Variants in LMO3 observed in about 807,000 individuals in gnomAD.
The protein encoded by LMO3 is LIM domain only protein 3.
LMO3 carries 2 observed loss-of-function variants against 15.8 expected under a neutral mutation model. The ratio of observed to expected loss-of-function variants is 0.13; its 90% CI spans 0.05 to 0.40. The LOEUF (loss-of-function observed/expected upper bound fraction) is 0.40, where lower values mean the gene tolerates loss of function less well. LMO3 is among the 10% of genes least tolerant of loss of function. LMO3 has a pLI of 0.99. For synonymous variants in LMO3, 62 were observed against 63.8 expected (o/e 0.97, Z 0.13); for missense variants, 86 against 182.2 (o/e 0.47, Z 3.04).
chr12:16,595,243 G>C lies in LMO3; in HGVS notation c.206+5412C>G, dbSNP rs2137659121. On this transcript the variant is annotated intron_variant, in intron 2 of 3. Transcript: ENST00000537304. ...GAAATTTCCAGTGAAACTATCTCAA[G>C]TCTACAAAACAAACTAAAACAAAAA... Among the ~76,000 whole-genome samples the C allele has an allele frequency of 2.7e-5, 4 of 150,884 alleles. 1 individual carries two copies. The Middle Eastern group carries it at 0.014, about 513-fold the overall frequency.
chr12:16,556,322 C>T (rs897310713), intron 3 of LMO3, among the ~76,000 whole-genome samples: 3 of 152,024 alleles, frequency 2.0e-5, no homozygotes, highest in Non-Finnish European at 2.9e-5. Context: ...CTTAAATAAC[C>T]CTCCTGCGGT....
At chr12:16,579,400 A>G (rs1298044877) in intron 2 of LMO3, among the ~76,000 whole-genome samples, 1 of 152,138 alleles carries the variant, frequency 6.6e-6, no homozygotes, top group East Asian at 1.9e-4. Context: ...ATGAGAAACA[A>G]TTTTTTTGGT....
At chr12:16,605,988 C>T in intron 1 of LMO3, 78 bp downstream of exon 1, 1 of 642,086 alleles carries the variant, frequency 1.6e-6, no homozygotes. Flanking sequence ...ATACCCACAT[C>T]CGCACACGCA....
chr12:16,590,824 C>T (rs1943471491), intron 2 of LMO3, among the ~76,000 whole-genome samples: 1 of 151,968 alleles, frequency 6.6e-6, no homozygotes, highest in Admixed American at 6.6e-5. Context: ...TATATCATCC[C>T]CCTTAGATTG....
intron 2 of LMO3, among the ~76,000 whole-genome samples, chr12:16,572,339 C>CTTTTTTTTTTTTTTTT (rs59773866): frequency 2.2e-5 from 2 of 89,530 alleles, no homozygotes; most frequent in African/African-American, 4.2e-5. Context: ...GGTCCAAACT[C>CTTTTTTTTTTTTTTTT]TTTTTTTTTT....
At chr12:16,583,858 A>C (rs1486673437) in intron 2 of LMO3, among the ~76,000 whole-genome samples, 1 of 152,164 alleles carries the variant, frequency 6.6e-6, no homozygotes, top group Non-Finnish European at 1.5e-5. Flanking sequence ...AGTGGGCAGG[A>C]AAGATAGAAG....
chr12:16,567,925 G>A (rs529235782), intron 2 of LMO3, among the ~76,000 whole-genome samples: 24 of 152,222 alleles, frequency 1.6e-4, no homozygotes, highest in African/African-American at 5.5e-4. Flanking sequence ...ACTGAGTAGC[G>A]ATCATGATCT....
intron 2 of LMO3, among the ~76,000 whole-genome samples, chr12:16,578,741 C>A (rs974586739): frequency 6.6e-6 from 1 of 151,862 alleles, no homozygotes; most frequent in Non-Finnish European, 1.5e-5. Context: ...TTCCTTGAAC[C>A]TGGGAGGCGG....
intron 1 of LMO3, among the ~76,000 whole-genome samples, chr12:16,602,723 A>T (rs1315111547): frequency 6.6e-6 from 1 of 152,186 alleles, no homozygotes; most frequent in Non-Finnish European, 1.5e-5. Context: ...TTTGATCAGA[A>T]CTAGTTATCC....
At chr12:16,563,616 A>G (rs1184970993) in intron 2 of LMO3, among the ~76,000 whole-genome samples, 1 of 151,980 alleles carries the variant, frequency 6.6e-6, no homozygotes, top group African/African-American at 2.4e-5. Context: ...TTACTCCCAC[A>G]CTCGTTTATA....
intron 1 of LMO3, chr12:16,605,052 G>A (rs929316524): frequency 4.6e-6 from 7 of 1,507,278 alleles, no homozygotes; most frequent in African/African-American, 4.1e-5. Flanking sequence ...GGAGCGGGTC[G>A]GAGTGGCGGC....
chr12:16,553,339 T>C lies in LMO3; in HGVS notation c.333-2012A>G, dbSNP rs555826802. Among the ~76,000 whole-genome samples the C allele has an allele frequency of 2.0e-5, 3 of 152,292 alleles. No homozygotes were observed. In the South Asian group the frequency reaches 6.2e-4, roughly 32 times the overall value. On this transcript the variant is annotated intron_variant, in intron 3 of 3. Transcript: ENST00000537304. ...CCTGAGGGCAGTAAAGCATGCAGGC[T>C]ACAAGAATAATGTGAAGATTAAATG...
rs1277188991 is a variant in LMO3 at position 16,584,785 on chromosome 12, G to C, written c.206+15870C>G. 1.3e-5 allele frequency among the ~76,000 whole-genome samples: 2 copies of C among 152,158 alleles called. No homozygotes were observed. Among genetic ancestry groups the C allele is most frequent in the African/African-American group, 4.8e-5 (2 of 41,434 alleles). ...AAGCAGTGCCAAGACTCCTTGTTAG[G>C]CTGAAAGCTCCCAGGAGATTTCTGA... On this transcript the variant is annotated intron_variant, in intron 2 of 3. Transcript: ENST00000537304. This position sits in a 1 kb window ranked among gnomAD's most constrained non-coding sequence, Gnocchi z 5.2.
chr12:16,606,629 G>T (rs1944012339), upstream of LMO3: 1 of 151,716 alleles, frequency 6.6e-6, no homozygotes, highest in African/African-American at 2.4e-5. Context: ...GTCAAGTACA[G>T]CCGCCCTCGG....
chr12:16,554,572 C>T (rs1217481035), intron 3 of LMO3, among the ~76,000 whole-genome samples: 3 of 152,168 alleles, frequency 2.0e-5, no homozygotes, highest in Non-Finnish European at 2.9e-5. Context: ...GCTAACAACC[C>T]TTAGTGTATC....
Position 16,604,840 on chromosome 12 carries a change from C to T in LMO3, c.-9+1226G>A, listed in dbSNP as rs1256939173. ...AGGAGTGCAGAGCGCCAGCAAAGTG[C>T]ATCTATGATAGACTGTAACCTTACC... On this transcript the variant is annotated intron_variant, in intron 1 of 3. Coordinates refer to ENST00000537304, the MANE Select transcript of LMO3 (RefSeq NM_018640.5). The surrounding 1 kb of genome is among the most constrained non-coding windows in gnomAD (Gnocchi z 5.3). 5 of 1,598,026 alleles carry T rather than the reference C, an allele frequency of 3.1e-6. No homozygotes were observed. Among genetic ancestry groups the T allele is most frequent in the Non-Finnish European group, 4.2e-6 (5 of 1,179,552 alleles).
chr12:16,565,983 C>CGTAT (rs1942584556), intron 2 of LMO3, among the ~76,000 whole-genome samples: 2 of 43,858 alleles, frequency 4.6e-5, no homozygotes, highest in African/African-American at 8.0e-5. Context: ...GAAAATGTGC[C>CGTAT]ATATATATAT....
In LMO3 at chr12:16,560,408, C is replaced by T. The variant is rs770538916; in HGVS notation, c.332+5G>A. On this transcript the variant is annotated splice_donor_5th_base_variant and intron_variant, in intron 3 of 3. Coordinates refer to ENST00000537304, the MANE Select transcript of LMO3 (RefSeq NM_018640.5). This position sits in a 1 kb window ranked among gnomAD's most constrained non-coding sequence, Gnocchi z 5.0. ...TTCTTAGAGACCAAAAAGAGACCTG[C>T]TTACCTCTGATTACAAAGCTGACAT... 2.4e-5 allele frequency: 38 copies of T among 1,612,854 alleles called. No individual in the cohort carries two copies. The highest frequency in any genetic ancestry group is 3.2e-5 in the Non-Finnish European group (38 of 1,179,448).
chr12:16,551,265 T>C lies in LMO3; in HGVS notation c.395A>G (p.Glu132Gly). ...ATAACCTTCTTTCATTAAACCTTCC[T>C]CGTAGTCCGTCTGGCAAAGGATCAT... ...NNMILCQTDY[E>G]EGLMKEGYAP... The change falls in exon 4 of 4, where the codon GAG (glutamate) becomes GGG (glycine). Residue 132 changes from glutamate to glycine, a missense_variant. This residue lies in a region of LMO3 where 19 missense variants were observed against 20.0 expected (regional missense o/e 0.95). Coordinates refer to ENST00000537304, the MANE Select transcript of LMO3 (RefSeq NM_018640.5). 1.2e-6 allele frequency: 2 copies of C among 1,613,198 alleles called. No individual in the cohort carries two copies.
Sources: gnomAD v4.1 joint callset for allele counts (sites outside exome capture counted in the v4.1 genomes callset) on GRCh38, gnomAD v4.1.1 for gene constraint, gnomAD v4.1.1 regional missense constraint, Gnocchi (gnomAD v3.1) non-coding constraint, MANE v1.5 for transcripts, NCBI Gene and HGNC (gene_info 2026-07-23, HGNC 2026-07-21) for gene names.